Variants in ZFPM2 observed in about 807,000 individuals in gnomAD.
ZFPM2 encodes zinc finger protein ZFPM2.
Under a neutral mutation model 98.6 loss-of-function variants are expected in ZFPM2, and 20 were observed. The ratio of observed to expected loss-of-function variants is 0.20; its 90% CI spans 0.14 to 0.29. The LOEUF (loss-of-function observed/expected upper bound fraction) is 0.29. ZFPM2 is among the 10% of genes least tolerant of loss of function. The probability of loss-of-function intolerance (pLI) is 1.00; values close to 1 mark genes in which losing one functional copy is unlikely to be tolerated. For missense variants in ZFPM2, 1,310 were observed against 1,388.6 expected (o/e 0.94, Z 0.90); for synonymous variants, 518 against 502.7 (o/e 1.03, Z -0.41).
intron 3 of ZFPM2, among the ~76,000 whole-genome samples, chr8:105,531,031 T>TA (rs1339533419): frequency 6.6e-5 from 10 of 152,152 alleles, no homozygotes; most frequent in African/African-American, 2.4e-4. Flanking sequence ...ATAATTGTCT[T>TA]AAAGAATCCA....
intron 4 of ZFPM2, among the ~76,000 whole-genome samples, chr8:105,577,105 A>G (rs559149994): frequency 2.6e-4 from 40 of 152,174 alleles, no homozygotes; most frequent in Non-Finnish European, 5.0e-4. Flanking sequence ...TTGTACATAC[A>G]GCCATAGAAG....
chr8:105,633,358 A>G (rs1291926456), intron 4 of ZFPM2, among the ~76,000 whole-genome samples: 2 of 152,160 alleles, frequency 1.3e-5, no homozygotes, highest in Non-Finnish European at 2.9e-5. Context: ...GGACTGGAGA[A>G]CGATAAAAGT....
rs540055008 is a variant in ZFPM2, at chr8:105,649,804, T to A, written c.532+15447T>A. ...TTGCCAGTATTTTATTGAGGATTTT[T>A]GCATCAATGTTCATCAAGGATATTG... On this transcript the variant is annotated intron_variant, in intron 5 of 7. Coordinates refer to ENST00000407775, the MANE Select transcript of ZFPM2 (RefSeq NM_012082.4). Among the ~76,000 whole-genome samples the A allele has an allele frequency of 4.4e-3, 668 of 152,314 alleles. 3 individuals are homozygous for A. Among genetic ancestry groups the A allele is most frequent in the African/African-American group, 0.015 (641 of 41,574 alleles).
intron 5 of ZFPM2, among the ~76,000 whole-genome samples, chr8:105,635,768 T>A (rs916775198): frequency 2.0e-5 from 3 of 152,208 alleles, no homozygotes; most frequent in Non-Finnish European, 4.4e-5. Flanking sequence ...ATCAATATAG[T>A]ATGGGGGAAA....
intron 4 of ZFPM2, among the ~76,000 whole-genome samples, chr8:105,586,410 T>A (rs1204935014): frequency 1.3e-5 from 2 of 151,794 alleles, no homozygotes; most frequent in Admixed American, 1.3e-4. Flanking sequence ...CTGGAATTTT[T>A]TTATTATTAT....
At chr8:105,447,757 T>C (rs1812404125) in intron 3 of ZFPM2, among the ~76,000 whole-genome samples, 1 of 152,092 alleles carries the variant, frequency 6.6e-6, no homozygotes, top group Non-Finnish European at 1.5e-5. Context: ...TCAGGATTTA[T>C]CTTTTTTTAA....
At chr8:105,560,049 A>G (rs1255998591) in intron 3 of ZFPM2, among the ~76,000 whole-genome samples, 4 of 152,150 alleles carry the variant, frequency 2.6e-5, no homozygotes, top group African/African-American at 9.6e-5. Flanking sequence ...TCTACTAAAA[A>G]TACAAAATTA....
intron 1 of ZFPM2, among the ~76,000 whole-genome samples, chr8:105,397,683 T>A (rs1238232518): frequency 6.6e-6 from 1 of 152,170 alleles, no homozygotes; most frequent in Non-Finnish European, 1.5e-5. Flanking sequence ...ATGTCGTCTT[T>A]GACAATTAAG....
intron 1 of ZFPM2, among the ~76,000 whole-genome samples, chr8:105,409,082 T>A (rs1158288098): frequency 6.6e-6 from 1 of 151,836 alleles, no homozygotes; most frequent in East Asian, 1.9e-4. Flanking sequence ...AATCTGATTG[T>A]CATTAATTGA....
chr8:105,712,975 G>T (rs1341674823), intron 5 of ZFPM2, among the ~76,000 whole-genome samples: 1 of 151,972 alleles, frequency 6.6e-6, no homozygotes, highest in East Asian at 1.9e-4. Flanking sequence ...GTGGAATAGT[G>T]AATAGTGTGG....
chr8:105,371,255 T>C (rs1377480971), intron 1 of ZFPM2, among the ~76,000 whole-genome samples: 2 of 152,160 alleles, frequency 1.3e-5, no homozygotes, highest in African/African-American at 4.8e-5. Context: ...GAGAAAAAGA[T>C]AGGAAATTGA....
intron 3 of ZFPM2, among the ~76,000 whole-genome samples, chr8:105,481,799 C>A (rs1428101867): frequency 6.6e-6 from 1 of 152,136 alleles, no homozygotes; most frequent in East Asian, 1.9e-4. Flanking sequence ...GAGGCCAGAC[C>A]AGACTGTCAG....
chr8:105,419,759 C>T lies in ZFPM2; in HGVS notation c.199+457C>T, dbSNP rs923218624. On this transcript the variant is annotated intron_variant, in intron 2 of 7. Coordinates refer to ENST00000407775, the MANE Select transcript of ZFPM2 (RefSeq NM_012082.4). ...TTAGGTGTTTAATGTTGACTTTCAA[C>T]GGTGAGGATGGTGCTGTGGGGATAT... 3.3e-5 allele frequency among the ~76,000 whole-genome samples: 5 copies of T among 151,998 alleles called. No homozygotes were observed. In the East Asian group the frequency reaches 7.7e-4, roughly 23 times the overall value.
At chr8:105,437,038 T>C (rs1812134664) in intron 2 of ZFPM2, among the ~76,000 whole-genome samples, 1 of 152,218 alleles carries the variant, frequency 6.6e-6, no homozygotes, top group Non-Finnish European at 1.5e-5. Flanking sequence ...TATTTTGTTT[T>C]AGTCATCTTT....
In ZFPM2 at chr8:105,481,120, G is replaced by A. The variant is rs144709123; in HGVS notation, c.301+36739G>A. On this transcript the variant is annotated intron_variant, in intron 3 of 7. Transcript: ENST00000407775. ...GGTCAGAGTAAAAGTGGTTTAGTGC[G>A]GACTAGGAGAACATGTTACATCATA... Among the ~76,000 whole-genome samples, 36 of 152,124 alleles carry A rather than the reference G, an allele frequency of 2.4e-4. No individual in the cohort carries two copies. The East Asian group carries it at 6.4e-3, about 27-fold the overall frequency.
chr8:105,394,414 T>G (rs16872834), intron 1 of ZFPM2, among the ~76,000 whole-genome samples: 2,808 of 152,310 alleles, frequency 0.018, 96 homozygotes, highest in African/African-American at 0.064. Flanking sequence ...TATATTACTC[T>G]TTAGCTCAGT....
chr8:105,379,244 TTTATC>T (rs931452807), intron 1 of ZFPM2, among the ~76,000 whole-genome samples: 7 of 152,218 alleles, frequency 4.6e-5, no homozygotes, highest in Admixed American at 1.3e-4. Flanking sequence ...TTTACAAAAC[TTTATC>T]TTATAACTTT....
At chr8:105,645,612 G>A (rs555101762) in intron 5 of ZFPM2, among the ~76,000 whole-genome samples, 78 of 152,302 alleles carry the variant, frequency 5.1e-4, no homozygotes, top group Admixed American at 1.0e-3. Flanking sequence ...AAGTGTTGCA[G>A]CTTGTATGGT....
At chr8:105,613,296 A>G (rs565466671) in intron 4 of ZFPM2, among the ~76,000 whole-genome samples, 2 of 152,108 alleles carry the variant, frequency 1.3e-5, no homozygotes, top group Non-Finnish European at 2.9e-5. Flanking sequence ...TAGACAGGGA[A>G]GAAGACGGGG....
Sources: gnomAD v4.1 joint callset for allele counts (sites outside exome capture counted in the v4.1 genomes callset) on GRCh38, gnomAD v4.1.1 for gene constraint, MANE v1.5 for transcripts, NCBI Gene and HGNC (gene_info 2026-07-23, HGNC 2026-07-21) for gene names.